Variants in ANK2 observed in about 807,000 individuals in gnomAD.
ANK2 encodes ankyrin 2, also known as ankyrin-2.
A neutral mutation model predicts 360.5 loss-of-function variants in ANK2; 83 were observed. The observed-to-expected ratio is 0.23, with a 90% confidence interval of 0.19 to 0.28. The LOEUF (loss-of-function observed/expected upper bound fraction) is 0.28. Ranked by LOEUF, ANK2 falls within the 10% of genes least tolerant of loss-of-function variation. ANK2 has a pLI of 1.00. For missense variants in ANK2, 4,201 were observed against 4,795.7 expected, an observed-to-expected ratio of 0.88 and a Z score of 3.66; for synonymous variants, 1,740 against 1,759.5, an observed-to-expected ratio of 0.99 and a Z score of 0.28.
At chr4:113,317,595 T>G (rs2083570585) in intron 24 of ANK2, 112 bp from the exon 25 acceptor site, 1 of 778,724 alleles carries the variant, frequency 1.3e-6, no homozygotes, top group East Asian at 2.6e-5. Context: ...CTGGAAGTTG[T>G]GCTGTTAGCT....
chr4:113,152,671 C>T (rs1452154659), intron 1 of ANK2, among the ~76,000 whole-genome samples: 2 of 152,092 alleles, frequency 1.3e-5, no homozygotes, highest in East Asian at 3.9e-4. Flanking sequence ...ATTTGGGAGG[C>T]TGAGGCAGGA....
Position 113,367,618 on chromosome 4 carries a change from G to A in ANK2, c.11085G>A (p.Glu3695=), listed in dbSNP as rs1320977343. ...GCACTGCACAGCACAAGCAGAAAGA[G>A]GAGCAAGCTGTTTCTAAAGAAAGTG... ...ELCTAQHKQK[E]EQAVSKESET... is the part of the protein sequence containing the mutation. Residue 3695 remains glutamate (E), a synonymous_variant, in exon 42 of 46, where the codon GAG becomes GAA. Transcript: ENST00000357077. The A allele has an allele frequency of 6.2e-7, 1 of 1,613,770 alleles. No individual in the cohort carries two copies. Among genetic ancestry groups the A allele is most frequent in the East Asian group, 2.2e-5 (1 of 44,826 alleles).
intron 2 of ANK2, among the ~76,000 whole-genome samples, chr4:112,961,884 G>T (rs918595332): frequency 6.6e-6 from 1 of 152,124 alleles, no homozygotes; most frequent in Admixed American, 6.5e-5. Context: ...GGATTCCAAA[G>T]ATTCTAATTT....
intron 2 of ANK2, among the ~76,000 whole-genome samples, chr4:112,962,777 G>A (rs946410140): frequency 2.6e-5 from 4 of 152,106 alleles, no homozygotes; most frequent in African/African-American, 7.2e-5. Context: ...GTTTTTAAAA[G>A]CTTTTAAGAA....
At chr4:112,885,796 C>CAAAAAAAAA (rs750277917) in intron 1 of ANK2, among the ~76,000 whole-genome samples, 9 of 26,976 alleles carry the variant, frequency 3.3e-4, no homozygotes, top group Admixed American at 1.8e-3. Flanking sequence ...GACTCTGTCT[C>CAAAAAAAAA]AAAAAAAAAA....
Position 113,196,433 on chromosome 4 carries a change from G to T in ANK2, c.252G>T (p.Leu84=), listed in dbSNP as rs1238892498. Residue 84 remains leucine (L), a synonymous_variant, in exon 3 of 46, where the codon CTG becomes CTT. Coordinates refer to ENST00000357077, the MANE Select transcript of ANK2 (RefSeq NM_001148.6). ...ACGTGGGGCTGGTGCAGGAGCTGCT[G>T]GGAAGAGGGTCCTCTGTGGATTCTG... is the stretch of plus-strand genomic sequence containing the variant. ...EGHVGLVQEL[L]GRGSSVDSAT... The T allele has an allele frequency of 1.9e-6, 3 of 1,613,524 alleles. No homozygotes were observed. The highest frequency in any genetic ancestry group is 1.7e-5 in the Admixed American group (1 of 59,988).
At position 113,293,428 on chromosome 4, in the gene ANK2, C is replaced by T. The variant is rs2068991935; in HGVS notation, c.2377-12C>T. 3.7e-6 allele frequency: 6 copies of T among 1,609,142 alleles called. No homozygotes were observed. Among genetic ancestry groups the T allele is most frequent in the African/African-American group, 2.7e-5 (2 of 74,812 alleles). On this transcript the variant is annotated splice_polypyrimidine_tract_variant and intron_variant, in intron 21 of 45. Coordinates refer to ENST00000357077, the MANE Select transcript of ANK2 (RefSeq NM_001148.6). ...CTTATTTCTCACTCTCTCTCTTTCA[C>T]TCTCTCTTCAGAATGGCAACACTGC...
chr4:113,233,018 G>A (rs1031823414), intron 5 of ANK2, among the ~76,000 whole-genome samples: 9 of 151,544 alleles, frequency 5.9e-5, no homozygotes, highest in African/African-American at 2.2e-4. Context: ...TTGGGAGTGG[G>A]CGACATGGAA....
At chr4:113,121,015 A>C (rs935981985) in intron 1 of ANK2, among the ~76,000 whole-genome samples, 1 of 152,192 alleles carries the variant, frequency 6.6e-6, no homozygotes, top group African/African-American at 2.4e-5. Flanking sequence ...AGGCAAATGT[A>C]TGACTAGTTC....
At chr4:113,017,347 C>G (rs75302463) in intron 2 of ANK2, among the ~76,000 whole-genome samples, 134 of 151,574 alleles carry the variant, frequency 8.8e-4, no homozygotes, top group African/African-American at 3.1e-3. Flanking sequence ...ATGATATAAG[C>G]TCTACAGAAT....
chr4:112,771,517 G>A, the ANK2 span, among the ~76,000 whole-genome samples: 2 of 152,134 alleles, frequency 1.3e-5, 1 homozygote, highest in South Asian at 4.1e-4. Context: ...TGAGCTTGAT[G>A]AGGTGTGGAG....
intron 2 of ANK2, among the ~76,000 whole-genome samples, chr4:112,921,567 G>A (rs1426807625): frequency 6.6e-6 from 1 of 151,948 alleles, no homozygotes; most frequent in African/African-American, 2.4e-5. Context: ...TCCAACTCCT[G>A]GGCTCAAGCT....
At chr4:112,947,656 A>G (rs1267654072) in intron 2 of ANK2, among the ~76,000 whole-genome samples, 1 of 152,240 alleles carries the variant, frequency 6.6e-6, no homozygotes, top group Non-Finnish European at 1.5e-5. Flanking sequence ...GTTCACAGCC[A>G]GGTGTTTCAC....
intron 1 of ANK2, among the ~76,000 whole-genome samples, chr4:113,073,264 G>A (rs1330067107): frequency 6.6e-6 from 1 of 152,034 alleles, no homozygotes; most frequent in Non-Finnish European, 1.5e-5. Context: ...CTGAGGGACA[G>A]TGTCTTTTGA....
chr4:112,721,231 G>A, the ANK2 span, among the ~76,000 whole-genome samples: 73 of 152,194 alleles, frequency 4.8e-4, no homozygotes, highest in African/African-American at 1.7e-3. Context: ...TTATCATCTT[G>A]GAGCTGATTA....
the ANK2 span, among the ~76,000 whole-genome samples, chr4:112,805,364 G>C: frequency 6.6e-6 from 1 of 152,080 alleles, no homozygotes; most frequent in Non-Finnish European, 1.5e-5. Flanking sequence ...AGTTGTTATT[G>C]GTTGCCTACC....
At chr4:112,951,818 T>C (rs1382195516) in intron 2 of ANK2, among the ~76,000 whole-genome samples, 2 of 152,250 alleles carry the variant, frequency 1.3e-5, no homozygotes, top group African/African-American at 4.8e-5. Flanking sequence ...CAGAAAATAC[T>C]CTTTATTTAA....
chr4:113,203,496 A>AT (rs1215414354), intron 4 of ANK2, among the ~76,000 whole-genome samples: 1 of 151,940 alleles, frequency 6.6e-6, no homozygotes, highest in Non-Finnish European at 1.5e-5. Flanking sequence ...GGAGCAGATA[A>AT]TTTTTTCTCA....
chr4:113,365,688 CTCTTA>C (rs140885235), intron 41 of ANK2, among the ~76,000 whole-genome samples: 11,251 of 150,916 alleles, frequency 0.075, 592 homozygotes, highest in Middle Eastern at 0.16. Context: ...TTCTCTCTCT[CTCTTA>C]TCTCTATTTT....
Sources: allele counts gnomAD v4.1 joint callset (sites outside exome capture counted in the v4.1 genomes callset), GRCh38; gene constraint gnomAD v4.1.1; transcripts MANE v1.5; gene names NCBI Gene and HGNC (gene_info 2026-07-23, HGNC 2026-07-21).